The following TUBE1 variants were observed in gnomAD, a reference collection of about 807,000 sequenced individuals.
TUBE1 encodes the protein tubulin epsilon 1, also known as tubulin epsilon chain.
TUBE1 carries 34 observed loss-of-function variants against 53.5 expected under a neutral mutation model. That is an observed-to-expected ratio of 0.64 (90% confidence interval 0.48 to 0.85). TUBE1 has a LOEUF of 0.85. Among genes scored for constraint, TUBE1 ranks in the 40% least tolerant of loss-of-function variants. TUBE1 has a pLI of 0.00. For missense variants in TUBE1, 532 were observed against 570.5 expected, an observed-to-expected ratio of 0.93 and a Z score of 0.69; for synonymous variants, 177 against 198.4, an observed-to-expected ratio of 0.89 and a Z score of 0.91.
chr6:112,081,341 A>C, intron 4 of TUBE1, 134 bp from the exon 5 acceptor site: 1 of 432,984 alleles, frequency 2.3e-6, no homozygotes, highest in Non-Finnish European at 4.0e-6. Context: ...CTTTACGTAG[A>C]ATCTGTTGTA....
chr6:112,077,356 T>G (rs1776988633), intron 6 of TUBE1: 1 of 152,184 alleles, frequency 6.6e-6, no homozygotes, highest in African/African-American at 2.4e-5. Context: ...TCAAGTTACA[T>G]TTACATAAAT....
chr6:112,077,107 C>T (rs1196163538), intron 6 of TUBE1: 5 of 152,014 alleles, frequency 3.3e-5, no homozygotes, highest in East Asian at 1.9e-4. Context: ...TCAACTAAGA[C>T]GGTGTTCAGT....
chr6:112,071,999 C>T lies in TUBE1; in HGVS notation c.1172G>A (p.Gly391Asp). 1 of 1,613,008 alleles carries T rather than the reference C, an allele frequency of 6.2e-7. No homozygotes were observed. Among genetic ancestry groups the T allele is most frequent in the Non-Finnish European group, 8.5e-7 (1 of 1,179,530 alleles). ...TAAAGCTAATAACGAATGAGAATGG[C>T]CCACAGGAGGTACGGAACACAGGCT... ...KTSLCSVPPV[G>D]HSHSLLALAN... Residue 391 changes from glycine (G) to aspartate (D), a missense_variant, in exon 11 of 12, where the codon GGC becomes GAC. Coordinates refer to ENST00000368662, the MANE Select transcript of TUBE1 (RefSeq NM_016262.5).
At chr6:112,073,000 T>C (rs958591600) in intron 9 of TUBE1, 102 bp from the exon 10 acceptor site, 34 of 921,048 alleles carry the variant, frequency 3.7e-5, no homozygotes, top group Non-Finnish European at 4.9e-5. Context: ...CCACACTAAA[T>C]ATTACACTAA....
chr6:112,071,509 A>G lies in TUBE1; in HGVS notation c.1331T>C (p.Val444Ala), dbSNP rs1049591572. 3 of 1,612,478 alleles carry G rather than the reference A, an allele frequency of 1.9e-6. No homozygotes were observed. In the African/African-American group the frequency reaches 4.0e-5, roughly 22 times the overall value. ...CTGTATGAGTGCTGATAAAGATGACACAGCTTCTGTGAAACAGCTTTCTTC... is the reference window on the plus strand; with the variant it reads ...CTGTATGAGTGCTGATAAAGATGACGCAGCTTCTGTGAAACAGCTTTCTTC... The part of the protein sequence containing the change: ...GMEESCFTEA[V>A]SSLSALIQEY... The change falls in exon 12 of 12, where the codon GTG becomes GCG. Residue 444 changes from valine (V) to alanine (A), a missense_variant. Transcript: ENST00000368662.
In TUBE1 at chr6:112,070,876, A is replaced by G. The variant is rs1475852701; in HGVS notation, c.*536T>C. ...ATACATGTTAAGTGTACAAATTAGG[A>G]TTCTTTTGGGCAAACAAGTTGTTAT... On this transcript the variant is annotated 3_prime_UTR_variant, in exon 12 of 12. Coordinates refer to ENST00000368662, the MANE Select transcript of TUBE1 (RefSeq NM_016262.5). 4.6e-5 allele frequency: 7 copies of G among 152,142 alleles called. No homozygotes were observed. Among genetic ancestry groups the G allele is most frequent in the South Asian group, 2.1e-4 (1 of 4,826 alleles). The allele number at this position is 152,142 out of a possible 1,614,324, so 9.4% of individuals were successfully genotyped here.
At chr6:112,086,710 ACT>A in intron 2 of TUBE1, 102 bp from the exon 3 acceptor site, 1 of 730,598 alleles carries the variant, frequency 1.4e-6, no homozygotes, top group East Asian at 2.8e-5. Context: ...CTAGGATGAG[ACT>A]CTGATAAGAA....
chr6:112,077,730 C>A (rs1272899898), intron 6 of TUBE1: 1 of 151,464 alleles, frequency 6.6e-6, no homozygotes, highest in Non-Finnish European at 1.5e-5. Context: ...ACTTTCTAAG[C>A]GTCACAAAAA....
Position 112,071,964 on chromosome 6 carries a change from T to A in TUBE1, c.1207A>T (p.Thr403Ser). ...SHSLLALANN[T>S]CVKPTFMELK... ...TCCATGAAGGTGGGCTTCACACATG[T>A]GTTATTTGCTAAAGCTAATAACGAA... Residue 403 changes from threonine to serine, a missense_variant, in exon 11 of 12, where the codon ACA becomes TCA. Physicochemically the swap from Thr to Ser is moderately conservative, Grantham distance 58. Coordinates refer to ENST00000368662, the MANE Select transcript of TUBE1 (RefSeq NM_016262.5). 2 of 1,612,822 alleles carry A rather than the reference T, an allele frequency of 1.2e-6. No homozygotes were observed. Among genetic ancestry groups the A allele is most frequent in the Non-Finnish European group, 1.7e-6 (2 of 1,179,558 alleles).
chr6:112,072,628 A>T, intron 10 of TUBE1, 130 bp downstream of exon 10: 1 of 825,488 alleles, frequency 1.2e-6, no homozygotes, highest in Non-Finnish European at 1.8e-6. Context: ...CAAAGAGACT[A>T]AGTAGTTTGT....
At chr6:112,077,945 G>A (rs1343034527) in intron 6 of TUBE1, 1 of 151,880 alleles carries the variant, frequency 6.6e-6, no homozygotes, top group African/African-American at 2.4e-5. Flanking sequence ...ACCACGAAAT[G>A]GGCAAAGGAT....
intron 2 of TUBE1, 149 bp downstream of exon 2, chr6:112,087,084 G>A (rs1276189007): frequency 2.9e-6 from 2 of 698,290 alleles, no homozygotes; most frequent in East Asian, 5.5e-5. Flanking sequence ...TGTGTCTGAC[G>A]CAACATGTTT....
chr6:112,086,463 C>T (rs1222005163), intron 3 of TUBE1, 93 bp downstream of exon 3: 3 of 835,750 alleles, frequency 3.6e-6, no homozygotes, highest in Non-Finnish European at 5.6e-6. Context: ...CACAACTTCG[C>T]AGCTGGCTAT....
intron 6 of TUBE1, 71 bp from the exon 7 acceptor site, chr6:112,076,580 T>C (rs1776974862): frequency 1.4e-6 from 2 of 1,395,280 alleles, no homozygotes; most frequent in Non-Finnish European, 1.9e-6. Flanking sequence ...TTTGAAACTT[T>C]ATTTTTTTTG....
intron 9 of TUBE1, 68 bp from the exon 10 acceptor site, chr6:112,072,966 A>C (rs1234421898): frequency 6.7e-7 from 1 of 1,496,774 alleles, no homozygotes; most frequent in Non-Finnish European, 9.1e-7. Context: ...TATAAAATGA[A>C]GATAGTCCTC....
In TUBE1 at chr6:112,080,105, C is replaced by T. The variant is rs77027526; in HGVS notation, c.327-351G>A. Among the ~76,000 whole-genome samples, 94 of 151,994 alleles carry T rather than the reference C, an allele frequency of 6.2e-4. 3 individuals carry two copies. The East Asian group carries it at 0.017, about 27-fold the overall frequency. ...TTTTCTTCTCTCCATTTAAGGCAAA[C>T]TCTGAATTGTAGTGGATTTTACATA... On this transcript the variant is annotated intron_variant, in intron 5 of 11. Transcript: ENST00000368662.
rs1407156084 is a variant in TUBE1, at chr6:112,087,323, G to A, written c.26-17C>T. 1 of 1,552,118 alleles carries A rather than the reference G, an allele frequency of 6.4e-7. No individual in the cohort carries two copies. Among genetic ancestry groups the A allele is most frequent in the South Asian group, 1.2e-5 (1 of 84,076 alleles). On this transcript the variant is annotated splice_polypyrimidine_tract_variant and intron_variant, in intron 1 of 11. Transcript: ENST00000368662. Reference sequence around the variant, plus strand: ...ACTGGCCGACTGCGACCGGAGGAGAGGAAGGAAAGAGAATAGGACATTAAG... The same window carrying A: ...ACTGGCCGACTGCGACCGGAGGAGAAGAAGGAAAGAGAATAGGACATTAAG...
Position 112,081,129 on chromosome 6 carries a change from G to C in TUBE1, c.289C>G (p.Gln97Glu), listed in dbSNP as rs1156998570. Residue 97 changes from glutamine (Q) to glutamate (E), a missense_variant, in exon 5 of 12, where the codon CAG becomes GAG. Gln to Glu is a conservative substitution (Grantham distance 29). Transcript: ENST00000368662. ...GPLRDVFDTKQLITDISGSGN... is the reference protein window; with the variant it reads ...GPLRDVFDTKELITDISGSGN... ...GAGCCAGAAATATCAGTGATGAGCT[G>C]TTTCGTATCAAATACATCTCTCAGT... 6.2e-7 allele frequency: 1 copy of C among 1,607,074 alleles called. No homozygotes were observed. The highest frequency in any genetic ancestry group is 1.7e-5 in the Admixed American group (1 of 59,712).
chr6:112,076,095 A>G lies in TUBE1; in HGVS notation c.654T>C (p.Ile218=). 1.2e-6 allele frequency: 2 copies of G among 1,612,400 alleles called. No individual in the cohort carries two copies. Among genetic ancestry groups the G allele is most frequent in the Non-Finnish European group, 1.7e-6 (2 of 1,179,182 alleles). ...AATTCACCATGAGGTCGATTTTGCTAATGATGTCAAATAAAGACTTTTGAG... is the reference window on the plus strand; with the variant it reads ...AATTCACCATGAGGTCGATTTTGCTGATGATGTCAAATAAAGACTTTTGAG... ...PIDNQSLFDI[I]SKIDLMVNSG... is the part of the protein sequence containing the mutation. The change falls in exon 8 of 12, where the codon ATT becomes ATC. Residue 218 remains isoleucine (I), a synonymous_variant. Transcript: ENST00000368662.
Sources: allele counts gnomAD v4.1 joint callset (sites outside exome capture counted in the v4.1 genomes callset), GRCh38; gene constraint gnomAD v4.1.1; transcripts MANE v1.5; gene names NCBI Gene and HGNC (gene_info 2026-07-23, HGNC 2026-07-21).